Variants in MAVS observed in about 807,000 individuals in gnomAD.
The protein encoded by MAVS is mitochondrial antiviral signaling protein.
A neutral mutation model predicts 30.2 loss-of-function variants in MAVS; 20 were observed. The observed-to-expected ratio is 0.66, with a 90% CI of 0.47 to 0.96. The LOEUF (loss-of-function observed/expected upper bound fraction) is 0.96, where lower values mean the gene tolerates loss of function less well. Ranked by LOEUF, MAVS falls within the 40% of genes least tolerant of loss-of-function variation. The pLI is 0.00. For synonymous variants in MAVS, 278 were observed against 293.9 expected (o/e 0.95, Z 0.55); for missense variants, 624 against 701.1 (o/e 0.89, Z 1.24).
At chr20:3,856,229 T>C (rs2089809061) in intron 2 of MAVS, among the ~76,000 whole-genome samples, 1 of 151,880 alleles carries the variant, frequency 6.6e-6, no homozygotes, top group African/African-American at 2.4e-5. Flanking sequence ...TAATTTTTTG[T>C]ATTTTTAATA....
chr20:3,853,418 G>A (rs1341008070), intron 1 of MAVS, among the ~76,000 whole-genome samples: 2 of 151,070 alleles, frequency 1.3e-5, no homozygotes, highest in African/African-American at 2.4e-5. Flanking sequence ...CCCGAGAGGC[G>A]GAGCTTGCAG....
chr20:3,858,523 C>CA (rs1465345039), intron 3 of MAVS, among the ~76,000 whole-genome samples: 2 of 151,876 alleles, frequency 1.3e-5, no homozygotes, highest in Admixed American at 6.6e-5. Flanking sequence ...ACTAAAAATA[C>CA]AGAAAATTAG....
In MAVS at chr20:3,869,947, G is replaced by A. The variant is rs1364917208; in HGVS notation, c.*3800G>A. 1 of 152,292 alleles carries A rather than the reference G, an allele frequency of 6.6e-6. No individual in the cohort carries two copies. Among genetic ancestry groups the A allele is most frequent in the Non-Finnish European group, 1.5e-5 (1 of 68,076 alleles). 9.4% of individuals were successfully genotyped at this position (152,292 alleles called of 1,614,324 possible). On this transcript the variant is annotated 3_prime_UTR_variant, in exon 7 of 7. Coordinates refer to ENST00000428216, the MANE Select transcript of MAVS (RefSeq NM_020746.5). ...ATGATGCCGCTCAAAGCCGTGACTT[G>A]GCCTACTTTGAACAGCAAACTTGTT...
At chr20:3,858,990 A>G (rs1308437825) in intron 3 of MAVS, among the ~76,000 whole-genome samples, 4 of 151,808 alleles carry the variant, frequency 2.6e-5, no homozygotes, top group Non-Finnish European at 5.9e-5. Context: ...TGTAGAGATG[A>G]CATCTCACTA....
rs1437102808 is a variant in MAVS, at chr20:3,868,895, A to T, written c.*2748A>T. ...TGATACTCTGTCTCAAAGAAAAAAA[A>T]TTATAATTTTAGCACAGTAACCAGC... On this transcript the variant is annotated 3_prime_UTR_variant, in exon 7 of 7. Coordinates refer to ENST00000428216, the MANE Select transcript of MAVS (RefSeq NM_020746.5). 1 of 152,302 alleles carries T rather than the reference A, an allele frequency of 6.6e-6. No homozygotes were observed. Among genetic ancestry groups the T allele is most frequent in the Non-Finnish European group, 1.5e-5 (1 of 68,038 alleles). 9.4% of individuals were successfully genotyped at this position (152,302 alleles called of 1,614,324 possible).
chr20:3,874,475 A>ACGTTCATGATTGT lies in MAVS; in HGVS notation c.*8328_*8329insCGTTCATGATTGT. On this transcript the variant is annotated 3_prime_UTR_variant, in exon 7 of 7. Coordinates refer to ENST00000428216, the MANE Select transcript of MAVS (RefSeq NM_020746.5). ...CTTGTATTTGGCAGGGGTCAAAGGC[A>ACGTTCATGATTGT]GGCAGGGACTGTGAAATGTTATAGT... 2.7e-6 allele frequency: 1 copy of ACGTTCATGATTGT among 366,742 alleles called. No individual in the cohort carries two copies. Among genetic ancestry groups the ACGTTCATGATTGT allele is most frequent in the Non-Finnish European group, 4.9e-6 (1 of 205,640 alleles). 22.7% of individuals were successfully genotyped at this position (366,742 alleles called of 1,614,324 possible). A position where few individuals can be genotyped will look rare whatever the true frequency, so the allele number is the denominator to read the frequency against.
intron 1 of MAVS, among the ~76,000 whole-genome samples, chr20:3,849,033 C>A (rs921157999): frequency 1.3e-5 from 2 of 152,142 alleles, no homozygotes; most frequent in African/African-American, 2.4e-5. Flanking sequence ...CTCACAACCA[C>A]CAGAGAAGTC....
chr20:3,875,541 G>A lies in MAVS; in HGVS notation c.*9394G>A, dbSNP rs1196009195. ...AAGTGTAATGTAAATGCTGTAAAAG[G>A]CAGTGAAAGGCACAAGGGAGGTGGA... On this transcript the variant is annotated 3_prime_UTR_variant, in exon 7 of 7. Coordinates refer to ENST00000428216, the MANE Select transcript of MAVS (RefSeq NM_020746.5). 1.3e-5 allele frequency: 2 copies of A among 151,858 alleles called. No individual in the cohort carries two copies. The highest frequency in any genetic ancestry group is 3.8e-4 in the East Asian group (2 of 5,328). 9.4% of individuals were successfully genotyped at this position (151,858 alleles called of 1,614,324 possible).
rs1047069488 is a variant in MAVS, at chr20:3,868,073, G to A, written c.*1926G>A. On this transcript the variant is annotated 3_prime_UTR_variant, in exon 7 of 7. Transcript: ENST00000428216. ...TTTTTCACTCCACTGCCCTAGGGGA[G>A]TTCAGCAACCTAATGATCTCTATCT... 2 of 152,322 alleles carry A rather than the reference G, an allele frequency of 1.3e-5. No individual in the cohort carries two copies. Among genetic ancestry groups the A allele is most frequent in the African/African-American group, 4.8e-5 (2 of 41,422 alleles). 9.4% of individuals were successfully genotyped at this position (152,322 alleles called of 1,614,324 possible).
At chr20:3,849,213 T>C (rs1276267180) in intron 1 of MAVS, among the ~76,000 whole-genome samples, 1 of 151,714 alleles carries the variant, frequency 6.6e-6, no homozygotes, top group Non-Finnish European at 1.5e-5. Flanking sequence ...CTTGCTTTTT[T>C]TTTTTTTTTT....
rs1182946179 is a variant in MAVS at position 3,870,100 on chromosome 20, G to T, written c.*3953G>T. ...CAGCTGCGGGGAGCTGCACTTGGTG[G>T]GGAAAGCCAGGCAGGTCACCCTCAC... On this transcript the variant is annotated 3_prime_UTR_variant, in exon 7 of 7. Coordinates refer to ENST00000428216, the MANE Select transcript of MAVS (RefSeq NM_020746.5). 1 of 152,358 alleles carries T rather than the reference G, an allele frequency of 6.6e-6. No homozygotes were observed. The highest frequency in any genetic ancestry group is 1.5e-5 in the Non-Finnish European group (1 of 68,062). 9.4% of individuals were successfully genotyped at this position (152,358 alleles called of 1,614,324 possible). A position where few individuals can be genotyped will look rare whatever the true frequency, so the allele number is the denominator to read the frequency against.
Position 3,874,472 on chromosome 20 carries a change from G to A in MAVS, c.*8325G>A, listed in dbSNP as rs1057222945. ...TTGCTTGTATTTGGCAGGGGTCAAA[G>A]GCAGGCAGGGACTGTGAAATGTTAT... is the stretch of plus-strand genomic sequence containing the variant. On this transcript the variant is annotated 3_prime_UTR_variant, in exon 7 of 7. Transcript: ENST00000428216. The A allele has an allele frequency of 8.1e-6, 3 of 369,118 alleles. No homozygotes were observed. The highest frequency in any genetic ancestry group is 6.2e-5 in the African/African-American group (3 of 48,116). The allele number at this position is 369,118 out of a possible 1,614,324, so 22.9% of individuals were successfully genotyped here.
intron 3 of MAVS, chr20:3,858,072 G>A: frequency 1.9e-6 from 1 of 521,274 alleles, no homozygotes; most frequent in Non-Finnish European, 3.5e-6. Flanking sequence ...GAGCTGCAGT[G>A]GGTGATACTG....
chr20:3,849,429 T>C (rs1279069378), intron 1 of MAVS, among the ~76,000 whole-genome samples: 1 of 152,198 alleles, frequency 6.6e-6, no homozygotes, highest in Non-Finnish European at 1.5e-5. Context: ...GGTCTCAACC[T>C]CCTGAGCTCA....
chr20:3,858,955 A>G (rs2089837627), intron 3 of MAVS, among the ~76,000 whole-genome samples: 1 of 151,786 alleles, frequency 6.6e-6, no homozygotes, highest in Admixed American at 6.6e-5. Context: ...ATGGACAACT[A>G]CACCTGGCTA....
intron 5 of MAVS, among the ~76,000 whole-genome samples, chr20:3,863,891 A>C (rs751378501): frequency 6.6e-6 from 1 of 152,068 alleles, no homozygotes. Flanking sequence ...GCAGTGGGGG[A>C]AGTGTCCAGG....
At position 3,855,054 on chromosome 20, in the gene MAVS, C is replaced by T. The variant is rs1241643585; in HGVS notation, c.117+313C>T. 2.6e-5 allele frequency among the ~76,000 whole-genome samples: 4 copies of T among 152,142 alleles called. No individual in the cohort carries two copies. The East Asian group carries it at 7.7e-4, about 29-fold the overall frequency. ...TACAGGTGCGTGCCACCACGCCCAGCTAATTTTTTTGTTTTTAATAGAGAC... is the reference window on the plus strand; with the variant it reads ...TACAGGTGCGTGCCACCACGCCCAGTTAATTTTTTTGTTTTTAATAGAGAC... On this transcript the variant is annotated intron_variant, in intron 2 of 6. Transcript: ENST00000428216.
intron 3 of MAVS, among the ~76,000 whole-genome samples, chr20:3,858,443 G>A (rs988642182): frequency 6.6e-6 from 1 of 152,052 alleles, no homozygotes; most frequent in African/African-American, 2.4e-5. Context: ...ACTTTGGGAG[G>A]CCGAGGCAGG....
Position 3,875,406 on chromosome 20 carries a change from C to A in MAVS, c.*9259C>A, listed in dbSNP as rs1465026960. 2 of 151,088 alleles carry A rather than the reference C, an allele frequency of 1.3e-5. No individual in the cohort carries two copies. The highest frequency in any genetic ancestry group is 2.9e-5 in the Non-Finnish European group (2 of 67,902). 9.4% of individuals were successfully genotyped at this position (151,088 alleles called of 1,614,324 possible). A position where few individuals can be genotyped will look rare whatever the true frequency, so the allele number is the denominator to read the frequency against. On this transcript the variant is annotated 3_prime_UTR_variant, in exon 7 of 7. Coordinates refer to ENST00000428216, the MANE Select transcript of MAVS (RefSeq NM_020746.5). ...CTCCAGCCTGGGTGACAGAGCGAGA[C>A]CCAGACTCAAAAAATAAAAATAAAA...
Sources: gnomAD v4.1 joint callset for allele counts (sites outside exome capture counted in the v4.1 genomes callset) on GRCh38, gnomAD v4.1.1 for gene constraint, MANE v1.5 for transcripts, NCBI Gene and HGNC (gene_info 2026-07-23, HGNC 2026-07-21) for gene names.